TSPAN9: variants seen among roughly 807,000 people sequenced by gnomAD.
TSPAN9 encodes the protein tetraspanin 9, also known as tetraspanin-9.
A neutral mutation model predicts 31.0 loss-of-function variants in TSPAN9; 16 were observed. The ratio of observed to expected loss-of-function variants is 0.52; its 90% CI spans 0.35 to 0.78. TSPAN9 has a LOEUF of 0.78. Among genes scored for constraint, TSPAN9 ranks in the 30% least tolerant of loss-of-function variants. TSPAN9 has a pLI of 0.01. For synonymous variants in TSPAN9, 145 were observed against 121.6 expected (o/e 1.19, Z -1.27); for missense variants, 272 against 312.5 (o/e 0.87, Z 0.98).
intron 3 of TSPAN9, chr12:3,211,836 G>A: frequency 1.3e-6 from 2 of 1,592,014 alleles, no homozygotes; most frequent in African/African-American, 2.7e-5. Flanking sequence ...TAGGAATTGG[G>A]GCTCTGCACC....
At chr12:3,183,630 T>G (rs1287634967) in intron 2 of TSPAN9, among the ~76,000 whole-genome samples, 1 of 152,204 alleles carries the variant, frequency 6.6e-6, no homozygotes, top group Non-Finnish European at 1.5e-5. Context: ...GTTATCAACA[T>G]TCTGCCTCCA....
Position 3,226,332 on chromosome 12 carries a change from T to A in TSPAN9, c.63+25076T>A, listed in dbSNP as rs376957679. Among the ~76,000 whole-genome samples, 20 of 152,178 alleles carry A rather than the reference T, an allele frequency of 1.3e-4. 1 individual carries two copies. The East Asian group carries it at 2.3e-3, about 18-fold the overall frequency. On this transcript the variant is annotated intron_variant, in intron 3 of 8. Transcript: ENST00000011898. ...GAGTATTCTCAATTTGTTCACAAGT[T>A]CAAGGGGACGAGCCTGGGTATTAGG...
At chr12:3,182,267 A>G (rs1199089756) in intron 2 of TSPAN9, among the ~76,000 whole-genome samples, 4 of 151,942 alleles carry the variant, frequency 2.6e-5, no homozygotes, top group Admixed American at 6.6e-5. Flanking sequence ...GATGGAATGA[A>G]GAAACTGCTA....
At chr12:3,275,675 A>G (rs1466858773) in intron 3 of TSPAN9, among the ~76,000 whole-genome samples, 1 of 152,168 alleles carries the variant, frequency 6.6e-6, no homozygotes, top group African/African-American at 2.4e-5. Flanking sequence ...AAGCTTTGTG[A>G]TGGCCCAGTT....
At chr12:3,257,876 A>T (rs1296370538) in intron 3 of TSPAN9, among the ~76,000 whole-genome samples, 1 of 152,034 alleles carries the variant, frequency 6.6e-6, no homozygotes, top group East Asian at 1.9e-4. Context: ...AGAGAAAGAG[A>T]CCTCAGAGGA....
At chr12:3,085,952 G>A (rs981487570) in intron 2 of TSPAN9, among the ~76,000 whole-genome samples, 7 of 152,230 alleles carry the variant, frequency 4.6e-5, no homozygotes, top group Non-Finnish European at 8.8e-5. Context: ...CGTGAGTGGC[G>A]AGTGGCGGGG....
intron 2 of TSPAN9, among the ~76,000 whole-genome samples, chr12:3,105,996 G>GCA (rs1213014238): frequency 2.0e-5 from 3 of 151,582 alleles, no homozygotes; most frequent in Admixed American, 6.6e-5. Flanking sequence ...ACTCAGTCTT[G>GCA]CACACACACA....
At chr12:3,197,416 C>T (rs1303669983) in intron 2 of TSPAN9, among the ~76,000 whole-genome samples, 1 of 152,198 alleles carries the variant, frequency 6.6e-6, no homozygotes, top group Non-Finnish European at 1.5e-5. Context: ...CAGACAGCAT[C>T]GGTGGGACTG....
intron 2 of TSPAN9, 74 bp from the exon 3 acceptor site, chr12:3,201,103 C>T: frequency 1.4e-6 from 2 of 1,380,636 alleles, no homozygotes; most frequent in South Asian, 2.4e-5. Flanking sequence ...GCGTTAAGAC[C>T]GACAAGTGCA....
At chr12:3,152,217 C>T (rs1450609958) in intron 2 of TSPAN9, among the ~76,000 whole-genome samples, 1 of 152,208 alleles carries the variant, frequency 6.6e-6, no homozygotes, top group African/African-American at 2.4e-5. Flanking sequence ...AAGCAGCTGC[C>T]ACTTCCCAGC....
intron 2 of TSPAN9, among the ~76,000 whole-genome samples, chr12:3,178,891 ATGG>A (rs2098357330): frequency 6.6e-6 from 1 of 152,194 alleles, no homozygotes; most frequent in Non-Finnish European, 1.5e-5. Context: ...CTGATGGACA[ATGG>A]TGGAGACACC....
At chr12:3,165,478 C>A (rs759371079) in intron 2 of TSPAN9, among the ~76,000 whole-genome samples, 2 of 152,168 alleles carry the variant, frequency 1.3e-5, no homozygotes, top group Non-Finnish European at 2.9e-5. Context: ...TTGAGACATA[C>A]CCCATGCTGT....
rs551713147 is a variant in TSPAN9, at chr12:3,174,728, G to A, written c.-17-26449G>A. Reference sequence around the variant, plus strand: ...CTCCCGAGTAGCTGGGACTACAGGCGCCCACCACCGCGCCCGGCTAATTTT... The same window carrying A: ...CTCCCGAGTAGCTGGGACTACAGGCACCCACCACCGCGCCCGGCTAATTTT... On this transcript the variant is annotated intron_variant, in intron 2 of 8. Coordinates refer to ENST00000011898, the MANE Select transcript of TSPAN9 (RefSeq NM_006675.5). 5.2e-4 allele frequency among the ~76,000 whole-genome samples: 76 copies of A among 146,780 alleles called. 1 individual carries two copies. The highest frequency in any genetic ancestry group is 8.7e-4 in the Non-Finnish European group (57 of 65,530).
intron 2 of TSPAN9, among the ~76,000 whole-genome samples, chr12:3,112,701 CAG>C (rs1238620353): frequency 1.1e-5 from 1 of 90,852 alleles, no homozygotes; most frequent in Admixed American, 1.6e-4. Flanking sequence ...TTTTTGGAGA[CAG>C]AGTCTCACTC....
chr12:3,102,278 C>A (rs2098312193), intron 2 of TSPAN9, among the ~76,000 whole-genome samples: 1 of 151,980 alleles, frequency 6.6e-6, no homozygotes, highest in Non-Finnish European at 1.5e-5. Flanking sequence ...CTCATGCCAT[C>A]ATGCCCTGCC....
At chr12:3,140,797 G>GA (rs1215707695) in intron 2 of TSPAN9, among the ~76,000 whole-genome samples, 3 of 152,086 alleles carry the variant, frequency 2.0e-5, no homozygotes, top group Middle Eastern at 3.2e-3. Flanking sequence ...AGGTTCCTGG[G>GA]AAAGCCCAGG....
chr12:3,261,732 C>T (rs1862453116), intron 3 of TSPAN9, among the ~76,000 whole-genome samples: 2 of 152,320 alleles, frequency 1.3e-5, no homozygotes, highest in South Asian at 2.1e-4. Flanking sequence ...TTTTCACCCT[C>T]ATGACGAACT....
chr12:3,239,479 C>T (rs2098395460), intron 3 of TSPAN9, among the ~76,000 whole-genome samples: 1 of 152,212 alleles, frequency 6.6e-6, no homozygotes, highest in African/African-American at 2.4e-5. Context: ...TTCCCATTTC[C>T]TCAAGACCTC....
chr12:3,201,136 C>A, intron 2 of TSPAN9, 41 bp from the exon 3 acceptor site: 1 of 1,538,454 alleles, frequency 6.5e-7, no homozygotes, highest in Non-Finnish European at 9.0e-7. Context: ...GCAGCAAGTA[C>A]GTGGTGTTTT....
Sources: allele counts gnomAD v4.1 joint callset (sites outside exome capture counted in the v4.1 genomes callset), GRCh38; gene constraint gnomAD v4.1.1; transcripts MANE v1.5; gene names NCBI Gene and HGNC (gene_info 2026-07-23, HGNC 2026-07-21).